The following PRDM11 variants were observed in gnomAD, a reference collection of about 807,000 sequenced individuals.
The protein encoded by PRDM11 is PR/SET domain 11.
A neutral mutation model predicts 97.8 loss-of-function variants in PRDM11; 20 were observed. The observed-to-expected ratio is 0.20, with a 90% confidence interval of 0.14 to 0.30. The LOEUF is 0.30. PRDM11 is among the 10% of genes least tolerant of loss of function. PRDM11 has a pLI of 1.00. For missense variants in PRDM11, 1,139 were observed against 1,555.2 expected, an observed-to-expected ratio of 0.73 and a Z score of 4.50; for synonymous variants, 599 against 637.7, an observed-to-expected ratio of 0.94 and a Z score of 0.91.
chr11:45,121,985 G>C (rs895390510), intron 1 of PRDM11, among the ~76,000 whole-genome samples: 25 of 151,876 alleles, frequency 1.6e-4, no homozygotes, highest in African/African-American at 6.0e-4. Flanking sequence ...GAAAATTAAT[G>C]AATCTAAGCT....
intron 5 of PRDM11, among the ~76,000 whole-genome samples, chr11:45,206,094 G>A (rs1379894239): frequency 6.6e-6 from 1 of 152,174 alleles, no homozygotes; most frequent in Admixed American, 6.5e-5. Flanking sequence ...ACGGGGTCCA[G>A]GTCAGCTGAG....
At chr11:45,209,990 G>T (rs576060050) in intron 5 of PRDM11, among the ~76,000 whole-genome samples, 1 of 152,298 alleles carries the variant, frequency 6.6e-6, no homozygotes, top group Admixed American at 6.5e-5. Context: ...CATGTACGAG[G>T]CCCCGCATCA....
At chr11:45,178,826 C>G (rs767866162) in intron 1 of PRDM11, among the ~76,000 whole-genome samples, 13 of 152,212 alleles carry the variant, frequency 8.5e-5, no homozygotes, top group Non-Finnish European at 1.8e-4. Flanking sequence ...AGTCTTGGCC[C>G]TGGTGCCAGG....
chr11:45,226,450 T>G lies in PRDM11; in HGVS notation c.1825T>G (p.Phe609Val), dbSNP rs1565350135. ...CTTGGAGGGCAGGCCCTACCTGGAC[T>G]TCCGGCCCCTGGCGGAGCTGCTGAG... ...LALEGRPYLD[F>V]RPLAELLRKC... Residue 609 changes from phenylalanine to valine, a missense_variant, in exon 8 of 8, where the codon TTC becomes GTC. By Grantham distance (50) the Phe-to-Val change is conservative. Transcript: ENST00000683152. 3 of 1,533,756 alleles carry G rather than the reference T, an allele frequency of 2.0e-6. No individual in the cohort carries two copies.
chr11:45,227,301 G>C lies in PRDM11; in HGVS notation c.2676G>C (p.Ser892=). 3 of 1,533,952 alleles carry C rather than the reference G, an allele frequency of 2.0e-6. No homozygotes were observed. The highest frequency in any genetic ancestry group is 2.6e-6 in the Non-Finnish European group (3 of 1,146,746). ...TGCTGGACGTGATTGCTGTGCTCTCGCGTCTGGCCTACATCTTCCAGGGCG... is the reference window on the plus strand; with the variant it reads ...TGCTGGACGTGATTGCTGTGCTCTCCCGTCTGGCCTACATCTTCCAGGGCG... ...YFLLDVIAVL[S]RLAYIFQGEY... is the part of the protein sequence containing the mutation. Residue 892 remains serine (S), a synonymous_variant, in exon 8 of 8, where the codon TCG becomes TCC. Transcript: ENST00000683152. This position sits in a 1 kb window ranked among gnomAD's most constrained non-coding sequence, Gnocchi z 8.0.
chr11:45,095,552 C>A (rs563039203), upstream of PRDM11, among the ~76,000 whole-genome samples: 53 of 152,326 alleles, frequency 3.5e-4, no homozygotes, highest in South Asian at 4.1e-4. Flanking sequence ...GATGAACGCA[C>A]CCCTAATTTG....
At chr11:45,136,094 G>C (rs1206110288) in intron 1 of PRDM11, among the ~76,000 whole-genome samples, 1 of 152,232 alleles carries the variant, frequency 6.6e-6, no homozygotes, top group Non-Finnish European at 1.5e-5. Flanking sequence ...TGTACCAATG[G>C]AATGTGTTAG....
chr11:45,214,385 A>G (rs1853893326), intron 5 of PRDM11: 1 of 151,388 alleles, frequency 6.6e-6, no homozygotes, highest in African/African-American at 2.4e-5. Context: ...CCTCCACCCA[A>G]CAACCCCCCA....
intron 1 of PRDM11, among the ~76,000 whole-genome samples, chr11:45,158,324 C>T (rs1382850764): frequency 2.0e-5 from 3 of 152,196 alleles, no homozygotes; most frequent in Admixed American, 2.0e-4. Context: ...CCTGCCCCAC[C>T]TCCACCCTCC....
intron 5 of PRDM11, chr11:45,213,283 G>C (rs1395896131): frequency 6.6e-6 from 3 of 456,436 alleles, no homozygotes; most frequent in African/African-American, 2.0e-5. Context: ...CTTGATGCTT[G>C]CTTGGCCTGG....
chr11:45,131,941 T>G lies in PRDM11; in HGVS notation c.96+36040T>G, dbSNP rs531718984. 3.3e-5 allele frequency among the ~76,000 whole-genome samples: 5 copies of G among 152,334 alleles called. No individual in the cohort carries two copies. In the South Asian group the frequency reaches 1.0e-3, roughly 32 times the overall value. ...TGGTTTTTGTTTTCAGCCTAGTTCT[T>G]CCTTGCTTGCTGGATGGCTGCAGCA... is the stretch of plus-strand genomic sequence containing the variant. On this transcript the variant is annotated intron_variant, in intron 1 of 6. Coordinates refer to the PRDM11 transcript ENST00000530656.
chr11:45,183,066 C>A lies in PRDM11; in HGVS notation c.429C>A (p.Gly143=). 1 of 1,613,948 alleles carries A rather than the reference C, an allele frequency of 6.2e-7. No homozygotes were observed. Among genetic ancestry groups the A allele is most frequent in the East Asian group, 2.2e-5 (1 of 44,860 alleles). Residue 143 remains glycine, a synonymous_variant, in exon 4 of 8, where the codon GGC becomes GGA. Coordinates refer to ENST00000683152, the MANE Select transcript of PRDM11 (RefSeq NM_001384648.1). ...TCATCCCCAAGGGCCACATCTTCGGCCCCTATGAGGGGCAGATCTCCACCC... is the reference window on the plus strand; with the variant it reads ...TCATCCCCAAGGGCCACATCTTCGGACCCTATGAGGGGCAGATCTCCACCC... The part of the protein sequence containing the change: ...NEVIPKGHIF[G]PYEGQISTQD...
intron 1 of PRDM11, among the ~76,000 whole-genome samples, chr11:45,136,141 C>T (rs1035038468): frequency 1.3e-5 from 2 of 152,146 alleles, no homozygotes; most frequent in African/African-American, 4.8e-5. Context: ...TATGAGAACT[C>T]TTTGTAATAG....
At chr11:45,142,285 C>T (rs1390506846), upstream of PRDM11, among the ~76,000 whole-genome samples, 2 of 152,180 alleles carry the variant, frequency 1.3e-5, no homozygotes, top group Non-Finnish European at 2.9e-5. Context: ...CTTCTTGCCA[C>T]ACTGCACCCT....
chr11:45,157,379 C>T (rs1366702354), intron 1 of PRDM11, among the ~76,000 whole-genome samples: 1 of 152,152 alleles, frequency 6.6e-6, no homozygotes, highest in Non-Finnish European at 1.5e-5. Flanking sequence ...GGTTCGCGTC[C>T]TATGATAATC....
Position 45,162,277 on chromosome 11 carries a change from G to A in PRDM11, c.-7+15400G>A, listed in dbSNP as rs80154750. Among the ~76,000 whole-genome samples the A allele has an allele frequency of 7.1e-3, 1,084 of 152,220 alleles. 11 individuals carry two copies. Among genetic ancestry groups the A allele is most frequent in the African/African-American group, 0.025 (1,022 of 41,544 alleles). ...CACCTGTCCTGTGGTGTGGGCAGGGGTTGCAGCAGCCCTGGGGGCTCCAGT... is the reference window on the plus strand; with the variant it reads ...CACCTGTCCTGTGGTGTGGGCAGGGATTGCAGCAGCCCTGGGGGCTCCAGT... On this transcript the variant is annotated intron_variant, in intron 1 of 7. Coordinates refer to ENST00000683152, the MANE Select transcript of PRDM11 (RefSeq NM_001384648.1).
intron 1 of PRDM11, among the ~76,000 whole-genome samples, chr11:45,097,147 T>C (rs975268197): frequency 3.9e-5 from 6 of 152,200 alleles, no homozygotes; most frequent in Non-Finnish European, 1.5e-5. Flanking sequence ...CAGCCCCCCA[T>C]ACCTCCAACT....
chr11:45,184,651 G>A (rs567005551), intron 4 of PRDM11, among the ~76,000 whole-genome samples: 64 of 150,438 alleles, frequency 4.3e-4, no homozygotes, highest in Middle Eastern at 3.5e-3. Context: ...TCTGAGAAAT[G>A]GAGGAGGCTG....
chr11:45,156,761 G>A (rs1233268543), intron 1 of PRDM11, among the ~76,000 whole-genome samples: 4 of 152,178 alleles, frequency 2.6e-5, no homozygotes, highest in Non-Finnish European at 5.9e-5. Flanking sequence ...AAGTCATTTC[G>A]CCCTGGAGGT....
Sources: gnomAD v4.1 joint callset for allele counts (sites outside exome capture counted in the v4.1 genomes callset) on GRCh38, gnomAD v4.1.1 for gene constraint, Gnocchi (gnomAD v3.1) non-coding constraint, MANE v1.5 for transcripts, NCBI Gene and HGNC (gene_info 2026-07-23, HGNC 2026-07-21) for gene names.